DYM: variants seen among roughly 807,000 people sequenced by gnomAD.
The protein encoded by DYM is dyggve-Melchior-Clausen syndrome protein.
DYM carries 78 observed loss-of-function variants against 93.1 expected under a neutral mutation model. The ratio of observed to expected loss-of-function variants is 0.84; its 90% CI spans 0.70 to 1.01. DYM has a LOEUF of 1.01. Ranked by LOEUF, DYM falls within the 50% of genes least tolerant of loss-of-function variation. The pLI is 0.00. For missense variants in DYM, 789 were observed against 845.0 expected, an observed-to-expected ratio of 0.93 and a Z score of 0.82; for synonymous variants, 321 against 319.7, an observed-to-expected ratio of 1.00 and a Z score of -0.04.
intron 14 of DYM, chr18:49,208,461 T>C (rs2092627559): frequency 6.6e-6 from 1 of 152,166 alleles, no homozygotes; most frequent in South Asian, 2.1e-4. Context: ...TAACCCTCAG[T>C]TTTTTATTTC....
chr18:49,321,112 T>C lies in DYM; in HGVS notation c.763+10752A>G, dbSNP rs115615207. 1,937 of 339,646 alleles carry C rather than the reference T, an allele frequency of 5.7e-3. 34 individuals carry two copies. The highest frequency in any genetic ancestry group is 0.038 in the African/African-American group (1,784 of 47,552). 21.0% of individuals were successfully genotyped at this position (339,646 alleles called of 1,614,324 possible). On this transcript the variant is annotated intron_variant, in intron 8 of 17. Coordinates refer to ENST00000675505, the MANE Select transcript of DYM (RefSeq NM_001353214.3). ...TTCATTTTTCAAAGAATAAGATTTA[T>C]AGTCTCAAAAAATAGAATTCCATAA... is the stretch of plus-strand genomic sequence containing the variant.
At chr18:49,419,839 A>G (rs1240188355) in intron 2 of DYM, among the ~76,000 whole-genome samples, 1 of 152,248 alleles carries the variant, frequency 6.6e-6, no homozygotes, top group Non-Finnish European at 1.5e-5. Flanking sequence ...ATAATTTGGA[A>G]TAGCTTTATA....
chr18:49,331,456 T>A (rs888557444), intron 8 of DYM, among the ~76,000 whole-genome samples: 1 of 152,240 alleles, frequency 6.6e-6, no homozygotes, highest in African/African-American at 2.4e-5. Context: ...CTTAGTGTAA[T>A]AGGAAAACTG....
chr18:49,409,647 G>T (rs1413198293), intron 2 of DYM, among the ~76,000 whole-genome samples: 1 of 152,062 alleles, frequency 6.6e-6, no homozygotes, highest in Non-Finnish European at 1.5e-5. Flanking sequence ...AATATTTGTT[G>T]GTAGGGAAAA....
intron 1 of DYM, among the ~76,000 whole-genome samples, chr18:49,437,133 A>T (rs2080930854): frequency 6.6e-6 from 1 of 152,218 alleles, no homozygotes; most frequent in South Asian, 2.1e-4. Flanking sequence ...TTCAAAGGAT[A>T]GACAGTGAAA....
intron 8 of DYM, among the ~76,000 whole-genome samples, chr18:49,297,748 T>A (rs766427585): frequency 2.6e-5 from 4 of 151,970 alleles, no homozygotes; most frequent in Non-Finnish European, 4.4e-5. Context: ...TAAAATTTAA[T>A]TAGAAAAAAA....
intron 6 of DYM, among the ~76,000 whole-genome samples, chr18:49,350,716 G>GAAAAAAAA (rs2065034655): frequency 5.5e-5 from 3 of 54,802 alleles, no homozygotes; most frequent in Non-Finnish European, 7.6e-5. Flanking sequence ...AAGAAAAAAA[G>GAAAAAAAA]AAAAAAAAAG....
chr18:49,361,108 A>C (rs969720273), intron 6 of DYM, among the ~76,000 whole-genome samples: 2 of 152,188 alleles, frequency 1.3e-5, no homozygotes, highest in Non-Finnish European at 2.9e-5. Context: ...ACACAGCACC[A>C]CTCTAAACAA....
At chr18:49,311,547 A>G (rs1345575338) in intron 8 of DYM, among the ~76,000 whole-genome samples, 1 of 152,228 alleles carries the variant, frequency 6.6e-6, no homozygotes, top group Non-Finnish European at 1.5e-5. Context: ...CTATGCAGCC[A>G]TAAAAAAGGA....
chr18:49,327,737 A>C (rs552073849), intron 8 of DYM, among the ~76,000 whole-genome samples: 1 of 152,330 alleles, frequency 6.6e-6, no homozygotes, highest in Non-Finnish European at 1.5e-5. Flanking sequence ...CAGGTATGTA[A>C]AGTAGCTACC....
intron 2 of DYM, among the ~76,000 whole-genome samples, chr18:49,408,522 G>A (rs2071800650): frequency 2.0e-5 from 3 of 152,186 alleles, no homozygotes; most frequent in African/African-American, 7.2e-5. Context: ...CCCACCAGTA[G>A]TGCATAATTG....
chr18:49,221,986 TA>T (rs56665546), intron 13 of DYM, among the ~76,000 whole-genome samples: 104,837 of 150,082 alleles, frequency 0.7, 38,020 homozygotes, highest in Non-Finnish European at 0.81. Context: ...TGTTATTTTA[TA>T]AAAAAAAAAG....
chr18:49,391,692 T>C, intron 2 of DYM, 47 bp from the exon 3 acceptor site: 1 of 1,466,316 alleles, frequency 6.8e-7, no homozygotes, highest in Non-Finnish European at 9.6e-7. Flanking sequence ...TAATACTAAA[T>C]ATGTACATGC....
At chr18:49,156,065 G>T (rs1340841526) in intron 15 of DYM, among the ~76,000 whole-genome samples, 1 of 152,068 alleles carries the variant, frequency 6.6e-6, no homozygotes, top group Non-Finnish European at 1.5e-5. Flanking sequence ...GTTATTATCT[G>T]CCTTTTTATT....
chr18:49,059,911 A>G (rs1044264247), intron 17 of DYM, among the ~76,000 whole-genome samples: 2 of 152,340 alleles, frequency 1.3e-5, no homozygotes, highest in South Asian at 4.1e-4. Flanking sequence ...TCACTCTTAA[A>G]TATTAACCTA....
In DYM at chr18:49,209,497, G is replaced by T. The variant is rs947955926; in HGVS notation, c.1625+54C>A. The T allele has an allele frequency of 2.8e-5, 31 of 1,122,302 alleles. No homozygotes were observed. In the African/African-American group the frequency reaches 4.2e-4, roughly 15 times the overall value. 69.5% of individuals were successfully genotyped at this position (1,122,302 alleles called of 1,614,324 possible). A position where few individuals can be genotyped will look rare whatever the true frequency, so the allele number is the denominator to read the frequency against. ...ACATGTCTTATTAAAACATGCAATT[G>T]TCAGTCATATACAACATGCAGCATG... On this transcript the variant is annotated intron_variant, in intron 14 of 17. Transcript: ENST00000675505.
intron 5 of DYM, among the ~76,000 whole-genome samples, chr18:49,366,242 C>A (rs2066506672): frequency 6.6e-6 from 1 of 152,156 alleles, no homozygotes; most frequent in South Asian, 2.1e-4. Context: ...ACTTATATCA[C>A]CTTAGCTTTC....
chr18:49,280,811 C>G (rs111714381), intron 10 of DYM, among the ~76,000 whole-genome samples: 1 of 152,110 alleles, frequency 6.6e-6, no homozygotes, highest in Admixed American at 6.5e-5. Context: ...TTATAAAATA[C>G]AAACACATGG....
At chr18:49,360,259 C>CAAAA (rs5824786) in intron 6 of DYM, among the ~76,000 whole-genome samples, 3 of 115,358 alleles carry the variant, frequency 2.6e-5, no homozygotes, top group Non-Finnish European at 3.6e-5. Context: ...TCAATAAAGG[C>CAAAA]AAAAAAAAAA....
Sources: allele counts gnomAD v4.1 joint callset (sites outside exome capture counted in the v4.1 genomes callset), GRCh38; gene constraint gnomAD v4.1.1; transcripts MANE v1.5; gene names NCBI Gene and HGNC (gene_info 2026-07-23, HGNC 2026-07-21).